The following ASIC2 variants were observed in gnomAD, a reference collection of about 807,000 sequenced individuals.
ASIC2 encodes the protein acid-sensing ion channel 2.
Under a neutral mutation model 57.3 loss-of-function variants are expected in ASIC2, and 25 were observed. The ratio of observed to expected loss-of-function variants is 0.44; its 90% CI spans 0.32 to 0.61. ASIC2 has a LOEUF of 0.61. Among genes scored for constraint, ASIC2 ranks in the 20% least tolerant of loss-of-function variants. The pLI is 0.06. For synonymous variants in ASIC2, 319 were observed against 307.5 expected (o/e 1.04, Z -0.39); for missense variants, 641 against 738.1 (o/e 0.87, Z 1.52).
intron 1 of ASIC2, among the ~76,000 whole-genome samples, chr17:33,790,622 C>A (rs905513126): frequency 1.3e-5 from 2 of 152,100 alleles, no homozygotes; most frequent in Non-Finnish European, 2.9e-5. Context: ...GCCCTACAGA[C>A]TTTAGCTTTC....
intron 1 of ASIC2, among the ~76,000 whole-genome samples, chr17:33,281,852 A>C (rs1019584945): frequency 2.0e-5 from 3 of 152,176 alleles, no homozygotes; most frequent in African/African-American, 7.2e-5. Flanking sequence ...ACGGCCACCC[A>C]GCCAACATAA....
chr17:33,943,319 G>A (rs1417165120), intron 1 of ASIC2, among the ~76,000 whole-genome samples: 1 of 152,234 alleles, frequency 6.6e-6, no homozygotes, highest in Non-Finnish European at 1.5e-5. Context: ...CTGCCCTCAT[G>A]TCCGCACTTC....
chr17:33,838,364 C>T (rs2141906075), intron 1 of ASIC2, among the ~76,000 whole-genome samples: 1 of 152,192 alleles, frequency 6.6e-6, no homozygotes, highest in Middle Eastern at 3.4e-3. Context: ...GAGTGAATGA[C>T]CAGCTGAATT....
In ASIC2 at chr17:33,299,737, G is replaced by A. The variant is rs187194270; in HGVS notation, c.556-187670C>T. Among the ~76,000 whole-genome samples, 19 of 152,322 alleles carry A rather than the reference G, an allele frequency of 1.2e-4. No individual in the cohort carries two copies. The East Asian group carries it at 3.3e-3, about 26-fold the overall frequency. On this transcript the variant is annotated intron_variant, in intron 1 of 9. Coordinates refer to the ASIC2 transcript ENST00000359872. ...GGCCATGACCACCAAAAGAAAGAAC[G>A]TGGGCTAGAAGGACCAGGTCCAGAG...
intron 1 of ASIC2, among the ~76,000 whole-genome samples, chr17:33,516,480 C>T (rs577942905): frequency 1.3e-5 from 2 of 152,006 alleles, no homozygotes; most frequent in East Asian, 1.9e-4. Flanking sequence ...ACAGTAATGG[C>T]ACTCAACCTA....
intron 1 of ASIC2, among the ~76,000 whole-genome samples, chr17:33,729,419 G>T (rs1242160984): frequency 6.6e-6 from 1 of 152,126 alleles, no homozygotes; most frequent in South Asian, 2.1e-4. Flanking sequence ...CTCCAACACT[G>T]GGGATTACAT....
At chr17:34,078,619 T>G (rs773417515) in intron 1 of ASIC2, among the ~76,000 whole-genome samples, 1 of 152,050 alleles carries the variant, frequency 6.6e-6, no homozygotes, top group East Asian at 1.9e-4. Flanking sequence ...ATAAAGGGAT[T>G]GCCATAGAAA....
chr17:33,291,273 G>T, intron 1 of ASIC2, 135 bp downstream of exon 1: 1 of 1,420,394 alleles, frequency 7.0e-7, no homozygotes, highest in Non-Finnish European at 9.2e-7. Context: ...CCCAAGAATG[G>T]GTTCTGCCTT....
chr17:33,651,148 C>T (rs1162640295), intron 1 of ASIC2, among the ~76,000 whole-genome samples: 2 of 152,084 alleles, frequency 1.3e-5, no homozygotes, highest in Non-Finnish European at 2.9e-5. Context: ...CACACACACA[C>T]GAGTGCCTGC....
chr17:33,820,789 A>G (rs759440617), intron 1 of ASIC2, among the ~76,000 whole-genome samples: 1 of 152,138 alleles, frequency 6.6e-6, no homozygotes, highest in Non-Finnish European at 1.5e-5. Context: ...CATTCCTCTT[A>G]CCTCAGCCTT....
chr17:33,712,766 C>T (rs1266202956), intron 1 of ASIC2, among the ~76,000 whole-genome samples: 2 of 149,368 alleles, frequency 1.3e-5, no homozygotes, highest in Non-Finnish European at 3.0e-5. Context: ...CTGCCTCAGC[C>T]TCCCAAGTAG....
chr17:33,292,207 GGCAGCCGCGC>G lies in ASIC2; in HGVS notation c.-102_-93del, dbSNP rs1290819910. 1.0e-6 allele frequency: 1 copy of G among 1,004,316 alleles called. No individual in the cohort carries two copies. The highest frequency in any genetic ancestry group is 1.7e-5 in the African/African-American group (1 of 57,170). 62.2% of individuals were successfully genotyped at this position (1,004,316 alleles called of 1,614,324 possible). A position where few individuals can be genotyped will look rare whatever the true frequency, so the allele number is the denominator to read the frequency against. On this transcript the variant is annotated 5_prime_UTR_variant, in exon 1 of 10. The change creates a premature stop within an existing upstream ORF in the 5' untranslated region. Transcript: ENST00000225823. ...CAGCAGCAGTGGAAGCAGCAGCAGCGGCAGCCGCGCGCAGCCCGCGCCAGGGAAGCGTGCG... is the reference window on the plus strand; with the variant it reads ...CAGCAGCAGTGGAAGCAGCAGCAGCGGCAGCCCGCGCCAGGGAAGCGTGCG...
chr17:33,492,910 C>T (rs1913805743), intron 1 of ASIC2, among the ~76,000 whole-genome samples: 2 of 152,160 alleles, frequency 1.3e-5, no homozygotes, highest in Admixed American at 6.5e-5. Context: ...GGGTCAAGGG[C>T]CCCCGTGCAG....
chr17:33,149,406 C>A lies in ASIC2; in HGVS notation c.709-37339G>T, dbSNP rs61575247. 4.0e-3 allele frequency among the ~76,000 whole-genome samples: 603 copies of A among 152,284 alleles called. 2 individuals carry two copies. The highest frequency in any genetic ancestry group is 0.014 in the African/African-American group (580 of 41,556). On this transcript the variant is annotated intron_variant, in intron 1 of 9. Transcript: ENST00000225823. ...AGTATAACTTTCAGCCATTATAAAA[C>A]TATGTTCTTCTGTAGGTGGACCATA...
chr17:34,101,940 A>G (rs1175796462), intron 1 of ASIC2, among the ~76,000 whole-genome samples: 1 of 152,224 alleles, frequency 6.6e-6, no homozygotes, highest in Non-Finnish European at 1.5e-5. Context: ...CCATCAATCA[A>G]TAATTATAGC....
At chr17:33,392,926 A>G (rs1909953374) in intron 1 of ASIC2, among the ~76,000 whole-genome samples, 1 of 152,106 alleles carries the variant, frequency 6.6e-6, no homozygotes, top group South Asian at 2.1e-4. Flanking sequence ...TCATTCCTTT[A>G]ATTCCCACAG....
chr17:33,266,947 G>A (rs535563365), intron 1 of ASIC2, among the ~76,000 whole-genome samples: 1 of 152,214 alleles, frequency 6.6e-6, no homozygotes, highest in East Asian at 1.9e-4. Flanking sequence ...GTGACACAAC[G>A]ATTTGGTTGA....
At chr17:33,423,907 T>C (rs1422443652) in intron 1 of ASIC2, among the ~76,000 whole-genome samples, 1 of 152,196 alleles carries the variant, frequency 6.6e-6, no homozygotes, top group Admixed American at 6.5e-5. Flanking sequence ...TCCTCAGAAA[T>C]GTACCAGTTG....
chr17:33,963,302 T>C (rs1392184744), intron 1 of ASIC2, among the ~76,000 whole-genome samples: 1 of 152,224 alleles, frequency 6.6e-6, no homozygotes, highest in Non-Finnish European at 1.5e-5. Flanking sequence ...GGTCCCATTG[T>C]CTTGCCTCCT....
Sources: allele counts gnomAD v4.1 joint callset (sites outside exome capture counted in the v4.1 genomes callset), GRCh38; gene constraint gnomAD v4.1.1; transcripts MANE v1.5; gene names NCBI Gene and HGNC (gene_info 2026-07-23, HGNC 2026-07-21).